The following UBTD2 variants were observed in gnomAD, a reference collection of about 807,000 sequenced individuals.
UBTD2 encodes ubiquitin domain containing 2.
Under a neutral mutation model 19.8 loss-of-function variants are expected in UBTD2, and 9 were observed. The ratio of observed to expected loss-of-function variants is 0.46; its 90% CI spans 0.27 to 0.79. The LOEUF (loss-of-function observed/expected upper bound fraction) is 0.79, where lower values mean the gene tolerates loss of function less well. UBTD2 is among the 30% of genes least tolerant of loss of function. The pLI is 0.14. For synonymous variants in UBTD2, 98 were observed against 103.9 expected (o/e 0.94, Z 0.35); for missense variants, 250 against 300.4 (o/e 0.83, Z 1.24).
At chr5:172,266,965 C>T (rs1330494045) in intron 1 of UBTD2, among the ~76,000 whole-genome samples, 3 of 151,294 alleles carry the variant, frequency 2.0e-5, no homozygotes, top group Non-Finnish European at 4.4e-5. Context: ...ATTGCTTGAC[C>T]GCCCAGGAGT....
chr5:172,269,118 G>C (rs1755432620), intron 1 of UBTD2, among the ~76,000 whole-genome samples: 1 of 152,014 alleles, frequency 6.6e-6, no homozygotes, highest in Admixed American at 6.5e-5. Context: ...AATATCATTT[G>C]TTTAATATAG....
chr5:172,276,433 A>G (rs1015057322), intron 1 of UBTD2, among the ~76,000 whole-genome samples: 2 of 152,150 alleles, frequency 1.3e-5, no homozygotes, highest in African/African-American at 4.8e-5. Flanking sequence ...TACCCCATGC[A>G]TGTATTGTTT....
At chr5:172,223,613 A>C (rs2113880732) in intron 2 of UBTD2, among the ~76,000 whole-genome samples, 1 of 148,144 alleles carries the variant, frequency 6.8e-6, no homozygotes, top group Non-Finnish European at 1.5e-5. Flanking sequence ...AAAAAAAAAA[A>C]AAAAGCACAC....
chr5:172,221,741 T>C (rs1771656190), intron 2 of UBTD2, among the ~76,000 whole-genome samples: 1 of 152,156 alleles, frequency 6.6e-6, no homozygotes, highest in Admixed American at 6.5e-5. Context: ...TTTTTTAGGA[T>C]AGTGAAACTA....
chr5:172,246,663 C>T (rs1754889126), intron 1 of UBTD2, among the ~76,000 whole-genome samples: 2 of 150,114 alleles, frequency 1.3e-5, no homozygotes, highest in Admixed American at 6.7e-5. Flanking sequence ...AGGCTGGTCT[C>T]GAACTCCTGC....
rs542274761 is a variant in UBTD2 at position 172,263,388 on chromosome 5, G to C, written c.70+20208C>G. On this transcript the variant is annotated intron_variant, in intron 1 of 2. Transcript: ENST00000393792. ...TTTCGTAAGTTAAAATAGGACAGTA[G>C]TTGTGAAATATATCTGTATTACTAA... Among the ~76,000 whole-genome samples the C allele has an allele frequency of 7.9e-5, 12 of 152,250 alleles. 1 individual carries two copies. In the East Asian group the frequency reaches 2.3e-3, roughly 29 times the overall value.
chr5:172,223,719 C>A (rs1450246722), intron 2 of UBTD2, among the ~76,000 whole-genome samples: 1 of 150,894 alleles, frequency 6.6e-6, no homozygotes, highest in African/African-American at 2.4e-5. Flanking sequence ...CTATTATACC[C>A]ATTTTACAGA....
intron 1 of UBTD2, among the ~76,000 whole-genome samples, chr5:172,266,435 C>CA (rs373840635): frequency 1.1e-3 from 168 of 152,328 alleles, no homozygotes; most frequent in African/African-American, 3.9e-3. Context: ...CCAGGTCCTT[C>CA]TTGGCATGCC....
At chr5:172,217,344 G>A (rs558122178) in intron 2 of UBTD2, among the ~76,000 whole-genome samples, 14 of 150,916 alleles carry the variant, frequency 9.3e-5, no homozygotes, top group Non-Finnish European at 1.9e-4. Context: ...GCATGAACCC[G>A]GGAGGCGGAG....
chr5:172,267,056 A>G (rs1755393217), intron 1 of UBTD2, among the ~76,000 whole-genome samples: 1 of 151,884 alleles, frequency 6.6e-6, no homozygotes, highest in African/African-American at 2.4e-5. Context: ...AAAAAAAAAA[A>G]AAAAGTTTTT....
intron 1 of UBTD2, among the ~76,000 whole-genome samples, chr5:172,272,143 T>C (rs1336901427): frequency 1.3e-5 from 2 of 152,146 alleles, no homozygotes; most frequent in East Asian, 1.9e-4. Context: ...CATGCAAAAA[T>C]AGGCATCACA....
intron 1 of UBTD2, among the ~76,000 whole-genome samples, chr5:172,260,056 C>T (rs1755234399): frequency 6.6e-6 from 1 of 150,762 alleles, no homozygotes; most frequent in African/African-American, 2.4e-5. Flanking sequence ...CTGTCCGCCC[C>T]CACCCCCTCC....
intron 1 of UBTD2, among the ~76,000 whole-genome samples, chr5:172,268,950 G>A (rs193193298): frequency 4.0e-4 from 61 of 152,248 alleles, no homozygotes; most frequent in Admixed American, 2.7e-3. Flanking sequence ...ATCTTTCTTA[G>A]CAGTGATAAT....
intron 2 of UBTD2, among the ~76,000 whole-genome samples, chr5:172,219,376 T>C (rs563030038): frequency 6.6e-6 from 1 of 152,284 alleles, no homozygotes; most frequent in East Asian, 1.9e-4. Context: ...AATTCACAAG[T>C]TTTAAATTAT....
At chr5:172,224,305 T>C (rs1197612139) in intron 2 of UBTD2, among the ~76,000 whole-genome samples, 1 of 149,116 alleles carries the variant, frequency 6.7e-6, no homozygotes, top group Non-Finnish European at 1.5e-5. Flanking sequence ...TTTCTTTTTT[T>C]TTTTTTTTTT....
chr5:172,272,960 C>CCA (rs1259111701), intron 1 of UBTD2, among the ~76,000 whole-genome samples: 1 of 152,000 alleles, frequency 6.6e-6, no homozygotes. Flanking sequence ...ACCTGTAGTC[C>CCA]CAGCTACTCG....
chr5:172,231,266 G>A (rs749969136), intron 2 of UBTD2, among the ~76,000 whole-genome samples: 3 of 152,150 alleles, frequency 2.0e-5, no homozygotes. Context: ...ATGAACAAAA[G>A]AAGTCAATCA....
chr5:172,251,189 G>C, intron 1 of UBTD2, among the ~76,000 whole-genome samples: 1 of 150,728 alleles, frequency 6.6e-6, no homozygotes, highest in East Asian at 1.9e-4. Flanking sequence ...CGTGGTTGCA[G>C]GTGCCTGTAG....
At chr5:172,273,105 AAAT>A (rs879493290) in intron 1 of UBTD2, among the ~76,000 whole-genome samples, 32,671 of 141,642 alleles carry the variant, frequency 0.23, 3,958 homozygotes, top group South Asian at 0.34. Context: ...ATAAAAATAA[AAAT>A]AAAAATCTGT....
Sources: allele counts gnomAD v4.1 joint callset (sites outside exome capture counted in the v4.1 genomes callset), GRCh38; gene constraint gnomAD v4.1.1; transcripts MANE v1.5; gene names NCBI Gene and HGNC (gene_info 2026-07-23, HGNC 2026-07-21).